The following WDR48 variants were observed in gnomAD, a reference collection of about 807,000 sequenced individuals.
WDR48 encodes WD repeat-containing protein 48.
WDR48 carries 22 observed loss-of-function variants against 94.0 expected under a neutral mutation model. That is an observed-to-expected ratio of 0.23 (90% CI 0.17 to 0.33). The LOEUF (loss-of-function observed/expected upper bound fraction) is 0.33, where lower values mean the gene tolerates loss of function less well. Ranked by LOEUF, WDR48 falls within the 10% of genes least tolerant of loss-of-function variation. The pLI is 1.00. For synonymous variants in WDR48, 278 were observed against 280.5 expected, an observed-to-expected ratio of 0.99 and a Z score of 0.09; for missense variants, 541 against 813.8, an observed-to-expected ratio of 0.66 and a Z score of 4.08.
Position 39,093,881 on chromosome 3 carries a change from C to G in WDR48, c.1753C>G (p.Leu585Val). The change falls in exon 18 of 19, where the codon CTC becomes GTC. Residue 585 changes from leucine (L) to valine (V), a missense_variant. This residue lies in a region of WDR48 where 109 missense variants were observed against 195.5 expected (regional missense o/e 0.56). Coordinates refer to ENST00000302313, the MANE Select transcript of WDR48 (RefSeq NM_020839.4). ...SGAKTLKKDR[L>V]SASDMLQVRK... ...GCCATTGCTTTTTTACAGAGATAGA[C>G]TCTCTGCTAGTGACATGCTCCAAGT... is the stretch of plus-strand genomic sequence containing the variant. 2 of 1,598,958 alleles carry G rather than the reference C, an allele frequency of 1.3e-6. No homozygotes were observed. Among genetic ancestry groups the G allele is most frequent in the Non-Finnish European group, 1.7e-6 (2 of 1,174,024 alleles).
chr3:39,094,036 G>A lies in WDR48; in HGVS notation c.1908G>A (p.Glu636=), dbSNP rs149966506. Residue 636 remains glutamate (E), a synonymous_variant, in exon 18 of 19, where the codon GAG becomes GAA. Coordinates refer to ENST00000302313, the MANE Select transcript of WDR48 (RefSeq NM_020839.4). ...AAGAAGATATTGCTGTGTTGGCAGA[G>A]GAGAAAATTGAACTTTTGTGCCAGG... ...EKEEDIAVLA[E]EKIELLCQDQ... is the part of the protein sequence containing the mutation. The A allele has an allele frequency of 1.5e-4, 240 of 1,611,728 alleles. No homozygotes were observed. Among genetic ancestry groups the A allele is most frequent in the Non-Finnish European group, 1.9e-4 (223 of 1,179,492 alleles).
intron 5 of WDR48, among the ~76,000 whole-genome samples, chr3:39,067,093 G>A (rs185240893): frequency 1.4e-3 from 209 of 152,268 alleles, no homozygotes; most frequent in Admixed American, 3.7e-3. Context: ...GGTATAACCT[G>A]GTTATTTTTT....
chr3:39,089,430 G>A, intron 16 of WDR48, 112 bp downstream of exon 16: 1 of 908,400 alleles, frequency 1.1e-6, no homozygotes, highest in Non-Finnish European at 1.6e-6. Context: ...ACTCCCAAGT[G>A]GAATCCCCAT....
At chr3:39,054,785 G>A (rs74801546) in intron 1 of WDR48, among the ~76,000 whole-genome samples, 15,796 of 152,160 alleles carry the variant, frequency 0.1, 1,048 homozygotes, top group East Asian at 0.22. Flanking sequence ...GAAATATGGT[G>A]CTAGGATCTG....
intron 14 of WDR48, 172 bp from the exon 15 acceptor site, chr3:39,087,956 T>C (rs955456535): frequency 3.3e-5 from 20 of 603,918 alleles, no homozygotes; most frequent in African/African-American, 3.2e-4. Flanking sequence ...AGTTGCTGTG[T>C]TTCTTATTTT....
Position 39,077,181 on chromosome 3 carries a change from G to T in WDR48, c.940G>T (p.Val314Phe), listed in dbSNP as rs1031752384. 18 of 1,613,994 alleles carry T rather than the reference G, an allele frequency of 1.1e-5. No individual in the cohort carries two copies. The highest frequency in any genetic ancestry group is 1.6e-4 in the Middle Eastern group (1 of 6,084). The change falls in exon 9 of 19, where the codon GTT (valine) becomes TTT (phenylalanine). Residue 314 changes from valine (V) to phenylalanine (F), a missense_variant. Coordinates refer to ENST00000302313, the MANE Select transcript of WDR48 (RefSeq NM_020839.4). The stretch of plus-strand genomic sequence containing the variant: ...AGCTGATCCTCCTCCTGCAATTTGG[G>T]TTGCAACAACTAAGTCTACAGTAAA... ...RSADPPPAIW[V>F]ATTKSTVNKW... is the part of the protein sequence containing the mutation.
intron 5 of WDR48, among the ~76,000 whole-genome samples, chr3:39,067,443 A>T (rs943064757): frequency 6.6e-6 from 1 of 152,218 alleles, no homozygotes; most frequent in African/African-American, 2.4e-5. Flanking sequence ...TTCTAGAGGC[A>T]ATCCAGAGAT....
At chr3:39,078,365 G>A (rs2034339898) in intron 10 of WDR48, 126 bp downstream of exon 10, 2 of 682,474 alleles carry the variant, frequency 2.9e-6, no homozygotes, top group Non-Finnish European at 5.0e-6. Flanking sequence ...TAATACATTG[G>A]TTTATTTTTA....
chr3:39,071,618 A>G (rs1383529113), intron 7 of WDR48, among the ~76,000 whole-genome samples: 1 of 152,236 alleles, frequency 6.6e-6, no homozygotes, highest in Non-Finnish European at 1.5e-5. Flanking sequence ...ATCTGAAGTC[A>G]GCTACAGTCA....
chr3:39,093,010 T>C (rs1315243110), intron 17 of WDR48, among the ~76,000 whole-genome samples: 2 of 152,186 alleles, frequency 1.3e-5, no homozygotes, highest in African/African-American at 4.8e-5. Flanking sequence ...ATAATAGTTA[T>C]TGACTGTTAT....
At chr3:39,059,454 A>G (rs2033118473) in intron 1 of WDR48, among the ~76,000 whole-genome samples, 1 of 152,220 alleles carries the variant, frequency 6.6e-6, no homozygotes, top group Non-Finnish European at 1.5e-5. Flanking sequence ...AGGAGTTTGA[A>G]CTTTAAATTT....
chr3:39,074,838 A>G lies in WDR48; in HGVS notation c.785A>G (p.Asp262Gly), dbSNP rs1356822387. Residue 262 changes from aspartate to glycine, a missense_variant, in exon 8 of 19, where the codon GAT (aspartate) becomes GGT (glycine). Asp to Gly is a moderately conservative substitution (Grantham distance 94). This residue lies in a region of WDR48 where 104 missense variants were observed against 189.7 expected (regional missense o/e 0.55). Transcript: ENST00000302313. ...DEGVWALQVN[D>G]AFTHVYSGGR... The stretch of plus-strand genomic sequence containing the variant: ...GGTGTTTGGGCGCTGCAAGTCAATG[A>G]TGCCTTCACACATGTGTATTCTGGT... 1 of 1,614,254 alleles carries G rather than the reference A, an allele frequency of 6.2e-7. No homozygotes were observed. Among genetic ancestry groups the G allele is most frequent in the Admixed American group, 1.7e-5 (1 of 60,030 alleles).
At chr3:39,068,369 C>G (rs1477815106) in intron 5 of WDR48, among the ~76,000 whole-genome samples, 1 of 152,030 alleles carries the variant, frequency 6.6e-6, no homozygotes, top group Admixed American at 6.6e-5. Context: ...ATGAGAGTTC[C>G]ATTGTACTGT....
chr3:39,070,867 G>A (rs991612762), intron 7 of WDR48, among the ~76,000 whole-genome samples: 1 of 151,958 alleles, frequency 6.6e-6, no homozygotes, highest in African/African-American at 2.4e-5. Context: ...AGAGTGTGAT[G>A]TTCCCCTTCC....
At position 39,089,324 on chromosome 3, in the gene WDR48, T is replaced by C; in HGVS notation, c.1668+6T>C. ...TAATTGACATCACTGTGGATGTAAGTATCCTCCACTCCCACTTTGCTCTTT... is the reference window on the plus strand; with the variant it reads ...TAATTGACATCACTGTGGATGTAAGCATCCTCCACTCCCACTTTGCTCTTT... On this transcript the variant is annotated splice_donor_region_variant and intron_variant, in intron 16 of 18. Coordinates refer to ENST00000302313, the MANE Select transcript of WDR48 (RefSeq NM_020839.4). The C allele has an allele frequency of 6.2e-7, 1 of 1,610,054 alleles. No homozygotes were observed. The highest frequency in any genetic ancestry group is 8.5e-7 in the Non-Finnish European group (1 of 1,177,544).
chr3:39,061,629 C>T (rs1485981392), intron 1 of WDR48, among the ~76,000 whole-genome samples: 7 of 152,026 alleles, frequency 4.6e-5, no homozygotes, highest in Admixed American at 6.5e-5. Flanking sequence ...ATGGGATGGC[C>T]GGGTCAAATG....
intron 7 of WDR48, among the ~76,000 whole-genome samples, chr3:39,069,952 A>T (rs535283118): frequency 1.3e-5 from 2 of 152,238 alleles, no homozygotes; most frequent in Non-Finnish European, 2.9e-5. Context: ...GAATTTCCTT[A>T]GAATAATTCT....
chr3:39,052,207 G>C (rs1485172487), intron 1 of WDR48, 134 bp downstream of exon 1: 6 of 1,058,840 alleles, frequency 5.7e-6, no homozygotes, highest in Non-Finnish European at 6.8e-6. Flanking sequence ...GGCCGGCCAC[G>C]AGGGGTGGGG....
intron 16 of WDR48, chr3:39,090,471 T>C (rs1338247556): frequency 6.6e-6 from 1 of 152,212 alleles, no homozygotes; most frequent in African/African-American, 2.4e-5. Context: ...TAGTTTCATG[T>C]CTTGTTTAGG....
Sources: gnomAD v4.1 joint callset for allele counts (sites outside exome capture counted in the v4.1 genomes callset) on GRCh38, gnomAD v4.1.1 for gene constraint, gnomAD v4.1.1 regional missense constraint, MANE v1.5 for transcripts, NCBI Gene and HGNC (gene_info 2026-07-23, HGNC 2026-07-21) for gene names.